The following RAB5C variants were observed in gnomAD, a reference collection of about 807,000 sequenced individuals.
The protein encoded by RAB5C is RAB5C, member RAS oncogene family.
A neutral mutation model predicts 25.2 loss-of-function variants in RAB5C; 4 were observed. That is an observed-to-expected ratio of 0.16 (90% CI 0.08 to 0.36). RAB5C has a LOEUF of 0.36. Ranked by LOEUF, RAB5C falls within the 10% of genes least tolerant of loss-of-function variation. RAB5C has a pLI of 1.00. For missense variants in RAB5C, 199 were observed against 283.8 expected, an observed-to-expected ratio of 0.70 and a Z score of 2.15; for synonymous variants, 100 against 106.4, an observed-to-expected ratio of 0.94 and a Z score of 0.37.
rs1200953245 is a variant in RAB5C at position 42,125,685 on chromosome 17, C to CA, written c.*97dup. The CA allele has an allele frequency of 3.8e-6, 3 of 794,560 alleles. No individual in the cohort carries two copies. The highest frequency in any genetic ancestry group is 6.1e-6 in the Non-Finnish European group (3 of 491,448). 49.2% of individuals were successfully genotyped at this position (794,560 alleles called of 1,614,324 possible). On this transcript the variant is annotated 3_prime_UTR_variant, in exon 6 of 6. Coordinates refer to ENST00000346213, the MANE Select transcript of RAB5C (RefSeq NM_004583.4). ...TGGTGGACCCCTCCCCCTGCCCCCC[C>CA]AGTGGTGGCCCGAGTCGTTAAGTGC...
At chr17:42,145,315 A>G (rs1053980646) in intron 1 of RAB5C, among the ~76,000 whole-genome samples, 10 of 152,204 alleles carry the variant, frequency 6.6e-5, no homozygotes, top group Admixed American at 2.0e-4. Context: ...CAGCATGGAA[A>G]GGGGAAGGGG....
intron 1 of RAB5C, among the ~76,000 whole-genome samples, chr17:42,134,873 GGAA>G (rs1277969607): frequency 6.6e-6 from 1 of 152,206 alleles, no homozygotes; most frequent in African/African-American, 2.4e-5. Context: ...GGCCAAGGAT[GGAA>G]GAGAAAGAGA....
intron 1 of RAB5C, chr17:42,131,958 G>T: frequency 5.2e-6 from 1 of 190,696 alleles, no homozygotes; most frequent in Non-Finnish European, 1.1e-5. Flanking sequence ...ATTTGAACCT[G>T]GGTTGGAAAG....
chr17:42,152,045 T>C (rs2079675058), intron 1 of RAB5C, among the ~76,000 whole-genome samples: 3 of 152,084 alleles, frequency 2.0e-5, no homozygotes, highest in Non-Finnish European at 4.4e-5. Flanking sequence ...ACTTTCTAAA[T>C]GTATGATCGA....
At chr17:42,131,451 CACAA>C (rs1191726101) in intron 1 of RAB5C, among the ~76,000 whole-genome samples, 2 of 151,490 alleles carry the variant, frequency 1.3e-5, no homozygotes, top group African/African-American at 4.9e-5. Context: ...CACACACACA[CACAA>C]AAACACATGC....
At chr17:42,132,469 G>A (rs1598246899) in intron 1 of RAB5C, among the ~76,000 whole-genome samples, 1 of 152,188 alleles carries the variant, frequency 6.6e-6, no homozygotes, top group Non-Finnish European at 1.5e-5. Flanking sequence ...TGTGCTTTCT[G>A]CTTCTTAGAG....
chr17:42,149,155 T>G (rs910181946), intron 1 of RAB5C, among the ~76,000 whole-genome samples: 1 of 152,190 alleles, frequency 6.6e-6, no homozygotes, highest in Admixed American at 6.5e-5. Flanking sequence ...TTTTGGCACA[T>G]CCTAGTTTAT....
chr17:42,128,804 TA>T lies in RAB5C; in HGVS notation c.167-5del. 1.3e-6 allele frequency: 2 copies of T among 1,490,490 alleles called. No homozygotes were observed. The highest frequency in any genetic ancestry group is 2.5e-5 in the East Asian group (1 of 40,350). 92.3% of individuals were successfully genotyped at this position (1,490,490 alleles called of 1,614,324 possible). A position where few individuals can be genotyped will look rare whatever the true frequency, so the allele number is the denominator to read the frequency against. On this transcript the variant is annotated splice_polypyrimidine_tract_variant and splice_region_variant and intron_variant, in intron 2 of 5. Transcript: ENST00000346213. ...ACAGTCTGTGTGAGGAAGGCCGCTG[TA>T]AGAGAGAAGGAGCGTCCATGGGCAA...
chr17:42,134,967 T>TC (rs2054521148), intron 1 of RAB5C, among the ~76,000 whole-genome samples: 2 of 2,188 alleles, frequency 9.1e-4, no homozygotes, highest in Admixed American at 0.012. Context: ...CTCAAATTCT[T>TC]TTTTTTTCTT....
intron 1 of RAB5C, among the ~76,000 whole-genome samples, chr17:42,147,115 AG>A (rs1346018988): frequency 6.6e-6 from 1 of 150,548 alleles, no homozygotes; most frequent in East Asian, 1.9e-4. Context: ...ACAGAAAGAA[AG>A]AAAGAAACAG....
At chr17:42,150,035 C>G (rs538913526) in intron 1 of RAB5C, among the ~76,000 whole-genome samples, 1 of 152,036 alleles carries the variant, frequency 6.6e-6, no homozygotes. Flanking sequence ...CAGGCATGTG[C>G]CACCACGCCT....
intron 1 of RAB5C, among the ~76,000 whole-genome samples, chr17:42,145,923 C>T (rs2079632478): frequency 6.6e-6 from 1 of 152,184 alleles, no homozygotes; most frequent in African/African-American, 2.4e-5. Flanking sequence ...TCTTGTGCCT[C>T]AGCCTCCTGA....
intron 5 of RAB5C, 169 bp downstream of exon 5, chr17:42,126,586 C>T (rs1421185362): frequency 1.1e-5 from 4 of 358,894 alleles, no homozygotes; most frequent in African/African-American, 1.0e-4. Context: ...GAGTCGAGAT[C>T]GTGCCACTGA....
chr17:42,127,043 A>C (rs55687905), intron 4 of RAB5C, among the ~76,000 whole-genome samples, 195 bp from the exon 5 acceptor site: 5,564 of 152,312 alleles, frequency 0.037, 145 homozygotes, highest in Middle Eastern at 0.092. Context: ...CTCAGCTCAC[A>C]ATCACTAGCA....
chr17:42,152,502 G>C (rs1438926785), intron 1 of RAB5C, among the ~76,000 whole-genome samples: 1 of 152,126 alleles, frequency 6.6e-6, no homozygotes, highest in South Asian at 2.1e-4. Context: ...TTTCAGGTTG[G>C]GTGCAGTGGC....
chr17:42,128,609 A>G (rs1252349884), intron 3 of RAB5C, 40 bp downstream of exon 3: 25 of 1,431,182 alleles, frequency 1.7e-5, no homozygotes, highest in Non-Finnish European at 2.3e-5. Context: ...GGACTTTGAG[A>G]AGATGAAGGG....
chr17:42,128,240 C>A (rs777603060), intron 4 of RAB5C, 21 bp downstream of exon 4: 17 of 1,610,214 alleles, frequency 1.1e-5, no homozygotes, highest in Non-Finnish European at 1.4e-5. Flanking sequence ...ACTCCTTCCC[C>A]CAAGTCTGTC....
intron 1 of RAB5C, among the ~76,000 whole-genome samples, chr17:42,140,313 G>A (rs1048475559): frequency 1.3e-5 from 2 of 151,746 alleles, no homozygotes; most frequent in Non-Finnish European, 2.9e-5. Context: ...AAGTTTGAGA[G>A]GAAAGTGGGA....
intron 2 of RAB5C, 194 bp downstream of exon 2, chr17:42,130,143 T>G: frequency 1.5e-6 from 1 of 677,460 alleles, no homozygotes; most frequent in South Asian, 2.3e-5. Context: ...AAATGCTTAC[T>G]AGCGATGCTT....
Sources: allele counts gnomAD v4.1 joint callset (sites outside exome capture counted in the v4.1 genomes callset), GRCh38; gene constraint gnomAD v4.1.1; transcripts MANE v1.5; gene names NCBI Gene and HGNC (gene_info 2026-07-23, HGNC 2026-07-21).